The following SMARCD2 variants were observed in gnomAD, a reference collection of about 807,000 sequenced individuals.
The protein encoded by SMARCD2 is SWI/SNF-related matrix-associated actin-dependent regulator of chromatin subfamily D member 2.
Under a neutral mutation model 70.4 loss-of-function variants are expected in SMARCD2, and 39 were observed. The observed-to-expected ratio is 0.55, with a 90% CI of 0.43 to 0.72. The LOEUF is 0.72. SMARCD2 is among the 30% of genes least tolerant of loss of function. The probability of loss-of-function intolerance (pLI) is 0.00; values close to 1 mark genes in which losing one functional copy is unlikely to be tolerated. For synonymous variants in SMARCD2, 249 were observed against 279.4 expected (o/e 0.89, Z 1.08); for missense variants, 540 against 713.4 (o/e 0.76, Z 2.77).
chr17:63,840,219 G>C (rs1904404039), intron 1 of SMARCD2, among the ~76,000 whole-genome samples: 1 of 151,992 alleles, frequency 6.6e-6, no homozygotes, highest in Admixed American at 6.6e-5. Flanking sequence ...GCCCAGGCTG[G>C]AGTGCAGTGG....
At chr17:63,836,766 G>A (rs1598359103) in intron 4 of SMARCD2, 156 bp downstream of exon 4, 9 of 667,712 alleles carry the variant, frequency 1.3e-5, no homozygotes, top group Non-Finnish European at 1.9e-5. Flanking sequence ...AAACATACTG[G>A]CCCCAACACA....
Position 63,833,550 on chromosome 17 carries a change from TG to T in SMARCD2, c.1317+36del. ...GGACAGAGCCAGCCCACCCCAATCC[TG>T]GGCCCCAGAGGAAGCTGTGGAGCCA... On this transcript the variant is annotated intron_variant, in intron 10 of 12. Transcript: ENST00000448276. The surrounding 1 kb of genome is among the most constrained non-coding windows in gnomAD (Gnocchi z 4.3). The T allele has an allele frequency of 1.9e-6, 3 of 1,613,654 alleles. No individual in the cohort carries two copies. Among genetic ancestry groups the T allele is most frequent in the Non-Finnish European group, 2.5e-6 (3 of 1,179,646 alleles).
Position 63,832,617 on chromosome 17 carries a change from T to C in SMARCD2, c.*321A>G. 7.0e-6 allele frequency: 3 copies of C among 427,490 alleles called. No individual in the cohort carries two copies. Among genetic ancestry groups the C allele is most frequent in the Middle Eastern group, 6.8e-4 (1 of 1,462 alleles). The allele number at this position is 427,490 out of a possible 1,614,324, so 26.5% of individuals were successfully genotyped here. A position where few individuals can be genotyped will look rare whatever the true frequency, so the allele number is the denominator to read the frequency against. Reference sequence around the variant, plus strand: ...TGACCCTCGCCCCAGGGGGAGTCTGTAAACATGCAAACCCAGCAGCCTTTG... The same window carrying C: ...TGACCCTCGCCCCAGGGGGAGTCTGCAAACATGCAAACCCAGCAGCCTTTG... On this transcript the variant is annotated 3_prime_UTR_variant, in exon 13 of 13. Coordinates refer to ENST00000448276, the MANE Select transcript of SMARCD2 (RefSeq NM_001098426.2).
Position 63,837,854 on chromosome 17 carries a change from G to A in SMARCD2, c.217-229C>T, listed in dbSNP as rs2040286202. Reference sequence around the variant, plus strand: ...GCAGCCATGCCAGCGAATGAGGCCTGCCAGAACCTGGGCTGGGAGGAGGGT... The same window carrying A: ...GCAGCCATGCCAGCGAATGAGGCCTACCAGAACCTGGGCTGGGAGGAGGGT... On this transcript the variant is annotated intron_variant, in intron 1 of 12. Transcript: ENST00000448276. The surrounding 1 kb of genome is among the most constrained non-coding windows in gnomAD (Gnocchi z 6.4). Among the ~76,000 whole-genome samples, 1 of 152,178 alleles carries A rather than the reference G, an allele frequency of 6.6e-6. No individual in the cohort carries two copies. The highest frequency in any genetic ancestry group is 2.1e-4 in the South Asian group (1 of 4,838).
chr17:63,833,831 T>TAAA lies in SMARCD2; in HGVS notation c.1181+77_1181+78insTTT, dbSNP rs2040228169. On this transcript the variant is annotated intron_variant, in intron 9 of 12. Transcript: ENST00000448276. This position sits in a 1 kb window ranked among gnomAD's most constrained non-coding sequence, Gnocchi z 4.3. ...CACACTCAGGGAAAAAGAAACCTGA[T>TAAA]GCTTTCTTTGGCTTTAGTTCAAGCC... 3.2e-6 allele frequency: 5 copies of TAAA among 1,553,812 alleles called. No homozygotes were observed. In the East Asian group the frequency reaches 1.1e-4, roughly 35 times the overall value.
Position 63,842,522 on chromosome 17 carries a change from C to A in SMARCD2, c.153G>T (p.Val51=). ...GGAAGGCGGCGGCCCCGGGGCCCCC[C>A]ACGCCTCCTGCCGGACCCGGTCCCC... ...ALRGPGPAGG[V]GGPGAAAFRP... Residue 51 remains valine (V), a synonymous_variant, in exon 1 of 13, where the codon GTG becomes GTT. Transcript: ENST00000448276. The A allele has an allele frequency of 8.2e-7, 1 of 1,223,632 alleles. No homozygotes were observed. The highest frequency in any genetic ancestry group is 1.0e-6 in the Non-Finnish European group (1 of 984,428). The allele number at this position is 1,223,632 out of a possible 1,614,324, so 75.8% of individuals were successfully genotyped here.
rs961564802 is a variant in SMARCD2 at position 63,842,658 on chromosome 17, G to A, written c.17C>T (p.Ala6Val). 2.5e-5 allele frequency: 32 copies of A among 1,284,818 alleles called. No individual in the cohort carries two copies. Among genetic ancestry groups the A allele is most frequent in the Middle Eastern group, 5.9e-4 (2 of 3,394 alleles). 79.6% of individuals were successfully genotyped at this position (1,284,818 alleles called of 1,614,324 possible). The change falls in exon 1 of 13, where the codon GCG becomes GTG. Residue 6 changes from alanine (A) to valine (V), a missense_variant. Physicochemically the swap from Ala to Val is moderately conservative, Grantham distance 64. Transcript: ENST00000448276. MSGRG[A>V]GGFPLPPLSP... The stretch of plus-strand genomic sequence containing the variant: ...TAGCGGGGGCAGCGGGAACCCGCCC[G>A]CGCCTCGGCCCGACATCGCTCCGTC...
rs1409789588 is a variant in SMARCD2, at chr17:63,837,707, C to T, written c.217-82G>A. On this transcript the variant is annotated intron_variant, in intron 1 of 12. Coordinates refer to ENST00000448276, the MANE Select transcript of SMARCD2 (RefSeq NM_001098426.2). This position sits in a 1 kb window ranked among gnomAD's most constrained non-coding sequence, Gnocchi z 6.4. ...CATAGCCCATGCCCTCCATCCCTCTCGTCAGCCAGGTAGGGCCTGAGCAGC... is the reference window on the plus strand; with the variant it reads ...CATAGCCCATGCCCTCCATCCCTCTTGTCAGCCAGGTAGGGCCTGAGCAGC... The T allele has an allele frequency of 5.8e-6, 7 of 1,204,464 alleles. No homozygotes were observed. The highest frequency in any genetic ancestry group is 8.2e-6 in the Non-Finnish European group (7 of 855,420). The allele number at this position is 1,204,464 out of a possible 1,614,324, so 74.6% of individuals were successfully genotyped here. A position where few individuals can be genotyped will look rare whatever the true frequency, so the allele number is the denominator to read the frequency against.
In SMARCD2 at chr17:63,832,218, C is replaced by A; in HGVS notation, c.*720G>T. ...GCCTCCCCATTCACCTTACCCTGGC[C>A]TCCACATGCACATACCCCATACCTC... On this transcript the variant is annotated 3_prime_UTR_variant, in exon 13 of 13. Transcript: ENST00000448276. 1.8e-6 allele frequency: 1 copy of A among 562,078 alleles called. No individual in the cohort carries two copies. Among genetic ancestry groups the A allele is most frequent in the South Asian group, 2.0e-5 (1 of 49,920 alleles). 34.8% of individuals were successfully genotyped at this position (562,078 alleles called of 1,614,324 possible). A position where few individuals can be genotyped will look rare whatever the true frequency, so the allele number is the denominator to read the frequency against.
At chr17:63,840,186 T>C (rs987552229) in intron 1 of SMARCD2, among the ~76,000 whole-genome samples, 6 of 151,630 alleles carry the variant, frequency 4.0e-5, no homozygotes, top group African/African-American at 1.5e-4. Context: ...AACCCAGCAA[T>C]CTGAGGTTTT....
chr17:63,834,669 C>T lies in SMARCD2; in HGVS notation c.819+36G>A, dbSNP rs1240092650. On this transcript the variant is annotated intron_variant, in intron 6 of 12. Coordinates refer to ENST00000448276, the MANE Select transcript of SMARCD2 (RefSeq NM_001098426.2). The surrounding 1 kb of genome is among the most constrained non-coding windows in gnomAD (Gnocchi z 5.6). Reference sequence around the variant, plus strand: ...TGAGGCCATTTCCCTGCCAAACCTGCACATCAGCCTGCTTTTGCCCCAGGC... The same window carrying T: ...TGAGGCCATTTCCCTGCCAAACCTGTACATCAGCCTGCTTTTGCCCCAGGC... 1 of 1,583,718 alleles carries T rather than the reference C, an allele frequency of 6.3e-7. No homozygotes were observed. The highest frequency in any genetic ancestry group is 1.7e-5 in the Admixed American group (1 of 59,912).
chr17:63,838,916 G>A, intron 1 of SMARCD2: 3 of 985,336 alleles, frequency 3.0e-6, no homozygotes, highest in Non-Finnish European at 3.6e-6. Context: ...CAACACAGAG[G>A]GTCAGATTCT....
Position 63,832,765 on chromosome 17 carries a change from T to C in SMARCD2, c.*173A>G. 1 of 654,020 alleles carries C rather than the reference T, an allele frequency of 1.5e-6. No homozygotes were observed. Among genetic ancestry groups the C allele is most frequent in the East Asian group, 2.7e-5 (1 of 36,538 alleles). The allele number at this position is 654,020 out of a possible 1,614,324, so 40.5% of individuals were successfully genotyped here. A position where few individuals can be genotyped will look rare whatever the true frequency, so the allele number is the denominator to read the frequency against. ...AAGCCAATGCAAAAAGTATAAGGCT[T>C]TGGGGACCAAGCAACAAGGAATCCT... On this transcript the variant is annotated 3_prime_UTR_variant, in exon 13 of 13. Coordinates refer to ENST00000448276, the MANE Select transcript of SMARCD2 (RefSeq NM_001098426.2).
At position 63,837,682 on chromosome 17, in the gene SMARCD2, C is replaced by G; in HGVS notation, c.217-57G>C. ...GTCAGGGGCAAGGCCCTCCGGGACC[C>G]ATAGCCCATGCCCTCCATCCCTCTC... On this transcript the variant is annotated intron_variant, in intron 1 of 12. Coordinates refer to ENST00000448276, the MANE Select transcript of SMARCD2 (RefSeq NM_001098426.2). The surrounding 1 kb of genome is among the most constrained non-coding windows in gnomAD (Gnocchi z 6.4). The G allele has an allele frequency of 7.0e-7, 1 of 1,434,610 alleles. No homozygotes were observed. The highest frequency in any genetic ancestry group is 2.0e-5 in the Admixed American group (1 of 50,658). The allele number at this position is 1,434,610 out of a possible 1,614,324, so 88.9% of individuals were successfully genotyped here.
At position 63,832,283 on chromosome 17, in the gene SMARCD2, A is replaced by G; in HGVS notation, c.*655T>C. On this transcript the variant is annotated 3_prime_UTR_variant, in exon 13 of 13. Transcript: ENST00000448276. ...AACTGGAGTGTCCCCTCCCCGGCCC[A>G]AGCCGCTGGAGAGGCAGCCCTCTGG... 2.6e-6 allele frequency: 1 copy of G among 380,122 alleles called. No individual in the cohort carries two copies. The highest frequency in any genetic ancestry group is 4.8e-6 in the Non-Finnish European group (1 of 206,946). 23.5% of individuals were successfully genotyped at this position (380,122 alleles called of 1,614,324 possible).
At position 63,833,040 on chromosome 17, in the gene SMARCD2, A is replaced by G; in HGVS notation, c.1542+29T>C. The G allele has an allele frequency of 6.3e-7, 1 of 1,586,406 alleles. No homozygotes were observed. Among genetic ancestry groups the G allele is most frequent in the Non-Finnish European group, 8.6e-7 (1 of 1,167,192 alleles). On this transcript the variant is annotated intron_variant, in intron 12 of 12. Coordinates refer to ENST00000448276, the MANE Select transcript of SMARCD2 (RefSeq NM_001098426.2). The surrounding 1 kb of genome is among the most constrained non-coding windows in gnomAD (Gnocchi z 4.3). ...GCTCAGGCCTTTGCTACTCACGGCC[A>G]AAGGAGGGAAAACAGGGCAGAGCCT...
At chr17:63,835,385 C>T (rs1357489226) in intron 5 of SMARCD2, 27 bp downstream of exon 5, 2 of 1,603,594 alleles carry the variant, frequency 1.2e-6, no homozygotes, top group African/African-American at 1.3e-5. Context: ...GGCCTCCTTC[C>T]CTCCAGAACC....
chr17:63,833,770 G>C lies in SMARCD2; in HGVS notation c.1182-48C>G. ...GAAGGCACATAGCTGACTTCATCCT[G>C]CCCACCTGGGCCAAATCTGGGGCCC... On this transcript the variant is annotated intron_variant, in intron 9 of 12. Coordinates refer to ENST00000448276, the MANE Select transcript of SMARCD2 (RefSeq NM_001098426.2). This position sits in a 1 kb window ranked among gnomAD's most constrained non-coding sequence, Gnocchi z 4.3. 1 of 1,610,236 alleles carries C rather than the reference G, an allele frequency of 6.2e-7. No individual in the cohort carries two copies. The highest frequency in any genetic ancestry group is 8.5e-7 in the Non-Finnish European group (1 of 1,176,748).
Position 63,837,650 on chromosome 17 carries a change from T to C in SMARCD2, c.217-25A>G. 1 of 1,604,598 alleles carries C rather than the reference T, an allele frequency of 6.2e-7. No individual in the cohort carries two copies. Among genetic ancestry groups the C allele is most frequent in the Non-Finnish European group, 8.5e-7 (1 of 1,174,806 alleles). On this transcript the variant is annotated intron_variant, in intron 1 of 12. Coordinates refer to ENST00000448276, the MANE Select transcript of SMARCD2 (RefSeq NM_001098426.2). The surrounding 1 kb of genome is among the most constrained non-coding windows in gnomAD (Gnocchi z 6.4). ...GCTGGGGGAAGTGAGCCAACGGGGG[T>C]GCATAGGTCAGGGGCAAGGCCCTCC...
Sources: allele counts gnomAD v4.1 joint callset (sites outside exome capture counted in the v4.1 genomes callset), GRCh38; gene constraint gnomAD v4.1.1; non-coding constraint Gnocchi (gnomAD v3.1); transcripts MANE v1.5; gene names NCBI Gene and HGNC (gene_info 2026-07-23, HGNC 2026-07-21).